The following KLHL10 variants were observed in gnomAD, a reference collection of about 807,000 sequenced individuals.
KLHL10 encodes kelch-like protein 10.
Under a neutral mutation model 46.6 loss-of-function variants are expected in KLHL10, and 11 were observed. The ratio of observed to expected loss-of-function variants is 0.24; its 90% CI spans 0.15 to 0.39. The LOEUF (loss-of-function observed/expected upper bound fraction) is 0.39. KLHL10 is among the 10% of genes least tolerant of loss of function. The pLI is 1.00. For synonymous variants in KLHL10, 254 were observed against 279.1 expected (o/e 0.91, Z 0.90); for missense variants, 475 against 789.8 (o/e 0.60, Z 4.78).
At chr17:41,844,593 G>A (rs1465068745) in intron 2 of KLHL10, among the ~76,000 whole-genome samples, 3 of 140,738 alleles carry the variant, frequency 2.1e-5, no homozygotes, top group Non-Finnish European at 4.5e-5. Context: ...CTGTGGCCCA[G>A]GCTGGAGTGC....
intron 2 of KLHL10, among the ~76,000 whole-genome samples, chr17:41,844,883 G>C (rs1555621124): frequency 6.6e-6 from 1 of 151,754 alleles, no homozygotes; most frequent in African/African-American, 2.4e-5. Context: ...ACAGGGTCTT[G>C]CTATGTTGCC....
Position 41,837,827 on chromosome 17 carries a change from A to G in KLHL10, c.-106A>G. ...ACTTGGGTTGCCTGATAGACCCTATACAAAAGATGTAGTAGGGAAAAGGAG... is the reference window on the plus strand; with the variant it reads ...ACTTGGGTTGCCTGATAGACCCTATGCAAAAGATGTAGTAGGGAAAAGGAG... On this transcript the variant is annotated 5_prime_UTR_variant, in exon 1 of 5. In the 5' UTR this introduces an upstream ATG that the reference lacks. Coordinates refer to ENST00000293303, the MANE Select transcript of KLHL10 (RefSeq NM_152467.5). The G allele has an allele frequency of 6.3e-7, 1 of 1,581,078 alleles. No individual in the cohort carries two copies. The highest frequency in any genetic ancestry group is 1.7e-5 in the Admixed American group (1 of 57,504).
Position 41,842,255 on chromosome 17 carries a change from G to A in KLHL10, c.627G>A (p.Lys209=), listed in dbSNP as rs374553069. The stretch of plus-strand genomic sequence containing the variant: ...ATGCTGTATTTGAGGCCATTTTAAA[G>A]TGGATTTCTCATGACCCCCAAAATA... ...QEDAVFEAIL[K]WISHDPQNRK... is the part of the protein sequence containing the mutation. Residue 209 remains lysine, a synonymous_variant, in exon 2 of 5, where the codon AAG becomes AAA. Coordinates refer to ENST00000293303, the MANE Select transcript of KLHL10 (RefSeq NM_152467.5). The A allele has an allele frequency of 1.2e-5, 19 of 1,614,026 alleles. No homozygotes were observed. In the African/African-American group the frequency reaches 2.5e-4, roughly 22 times the overall value.
At chr17:41,846,882 A>C (rs782649092) in intron 3 of KLHL10, among the ~76,000 whole-genome samples, 1 of 152,164 alleles carries the variant, frequency 6.6e-6, no homozygotes, top group Admixed American at 6.5e-5. Context: ...TGGGAGGCTG[A>C]GAGGGGCGGA....
intron 1 of KLHL10, among the ~76,000 whole-genome samples, chr17:41,838,633 CTTTT>C (rs561213551): frequency 2.2e-5 from 3 of 138,688 alleles, no homozygotes; most frequent in African/African-American, 5.4e-5. Flanking sequence ...TTTTTTCTCT[CTTTT>C]TTTTTTTTGT....
chr17:41,847,825 A>C (rs2048305692), intron 4 of KLHL10, 108 bp from the exon 5 acceptor site: 2 of 1,461,488 alleles, frequency 1.4e-6, no homozygotes, highest in East Asian at 2.3e-5. Flanking sequence ...TTTTCATGGA[A>C]GATAATGGAA....
intron 4 of KLHL10, among the ~76,000 whole-genome samples, 200 bp from the exon 5 acceptor site, chr17:41,847,733 C>T (rs2048304891): frequency 1.3e-5 from 2 of 152,348 alleles, no homozygotes; most frequent in Middle Eastern, 3.4e-3. Flanking sequence ...TCTCGATCTC[C>T]TGACTTTGTG....
chr17:41,845,840 G>A (rs781967569), intron 3 of KLHL10, 97 bp downstream of exon 3: 4 of 1,469,078 alleles, frequency 2.7e-6, no homozygotes, highest in South Asian at 1.2e-5. Flanking sequence ...CGCAGTGGCA[G>A]TATTCACTTT....
rs781939002 is a variant in KLHL10 at position 41,838,000 on chromosome 17, C to T, written c.68C>T (p.Ala23Val). The T allele has an allele frequency of 2.5e-5, 41 of 1,613,956 alleles. No homozygotes were observed. In the Admixed American group the frequency reaches 2.7e-4, roughly 11 times the overall value. Residue 23 changes from alanine to valine, a missense_variant, in exon 1 of 5, where the codon GCG becomes GTG. Coordinates refer to ENST00000293303, the MANE Select transcript of KLHL10 (RefSeq NM_152467.5). ...HQPHMERKMSAMACEIFNELR... is the reference protein window; with the variant it reads ...HQPHMERKMSVMACEIFNELR... The stretch of plus-strand genomic sequence containing the variant: ...CCTCACATGGAGAGGAAGATGAGTG[C>T]GATGGCCTGTGAGATCTTCAACGAG...
intron 2 of KLHL10, among the ~76,000 whole-genome samples, chr17:41,844,824 C>T (rs1385221130): frequency 6.6e-6 from 1 of 151,912 alleles, no homozygotes; most frequent in Non-Finnish European, 1.5e-5. Context: ...GCTGGGATTA[C>T]GGCCGTGAGC....
At chr17:41,847,886 C>T (rs1555621639) in intron 4 of KLHL10, 47 bp from the exon 5 acceptor site, 1 of 1,612,024 alleles carries the variant, frequency 6.2e-7, no homozygotes, top group Non-Finnish European at 8.5e-7. Context: ...CCTCAGTGAA[C>T]AGAATCAATG....
chr17:41,848,013 C>T lies in KLHL10; in HGVS notation c.1533C>T (p.Pro511=). The T allele has an allele frequency of 6.2e-7, 1 of 1,614,236 alleles. No individual in the cohort carries two copies. Among genetic ancestry groups the T allele is most frequent in the Non-Finnish European group, 8.5e-7 (1 of 1,180,038 alleles). Residue 511 remains proline (P), a synonymous_variant, in exon 5 of 5, where the codon CCC becomes CCT. Coordinates refer to ENST00000293303, the MANE Select transcript of KLHL10 (RefSeq NM_152467.5). ...TGGCTAACACTTGGCGCACAATCCCCACTATGTTTAATCCTCGTAGCAATT... is the reference window on the plus strand; with the variant it reads ...TGGCTAACACTTGGCGCACAATCCCTACTATGTTTAATCCTCGTAGCAATT... ...SPVANTWRTI[P]TMFNPRSNFG...
rs782646833 is a variant in KLHL10, at chr17:41,845,557, G to GCACT, written c.1118_1121dup (p.Arg375LeufsTer22). ...AAACTTGGCATCAGGTGGCCCCGAT[G>GCACT]CACTCCAGACGTTGCTATGTCAGTG... is the stretch of plus-strand genomic sequence containing the variant. On this transcript the variant is annotated frameshift_variant, in exon 3 of 5. Transcript: ENST00000293303. LOFTEE classifies it high-confidence loss of function. 6.2e-7 allele frequency: 1 copy of GCACT among 1,614,228 alleles called. No homozygotes were observed. The highest frequency in any genetic ancestry group is 8.5e-7 in the Non-Finnish European group (1 of 1,180,036).
chr17:41,837,958 C>T lies in KLHL10; in HGVS notation c.26C>T (p.Ser9Phe), dbSNP rs1555620346. 1 of 1,614,118 alleles carries T rather than the reference C, an allele frequency of 6.2e-7. No individual in the cohort carries two copies. Among genetic ancestry groups the T allele is most frequent in the Admixed American group, 1.7e-5 (1 of 60,018 alleles). ...ATGGAGATGGAGAGCGCGGCGGCCT[C>T]CACACGTTTCCACCAGCCTCACATG... The part of the protein sequence containing the change: MEMESAAA[S>F]TRFHQPHMER... The change falls in exon 1 of 5, where the codon TCC (serine) becomes TTC (phenylalanine). Residue 9 changes from serine to phenylalanine, a missense_variant. By Grantham distance (155) the Ser-to-Phe change is radical (BLOSUM62 -2). Coordinates refer to ENST00000293303, the MANE Select transcript of KLHL10 (RefSeq NM_152467.5).
Position 41,845,182 on chromosome 17 carries a change from C to T in KLHL10, c.741C>T (p.Asp247=). 3.1e-6 allele frequency: 5 copies of T among 1,614,176 alleles called. No individual in the cohort carries two copies. The highest frequency in any genetic ancestry group is 4.2e-6 in the Non-Finnish European group (5 of 1,180,026). The change falls in exon 3 of 5, where the codon GAC becomes GAT. Residue 247 remains aspartate, a synonymous_variant. Coordinates refer to ENST00000293303, the MANE Select transcript of KLHL10 (RefSeq NM_152467.5). ...EYFMNNVKMN[D]YVKDSEECKP... ...TCATGAACAATGTTAAGATGAATGA[C>T]TATGTCAAAGACAGTGAGGAATGCA...
upstream of KLHL10, chr17:41,836,260 C>T (rs1301671633): frequency 1.7e-6 from 2 of 1,155,360 alleles, no homozygotes; most frequent in Non-Finnish European, 2.1e-6. Flanking sequence ...GCGCAGGCGT[C>T]GCCTCCCGCC....
upstream of KLHL10, among the ~76,000 whole-genome samples, chr17:41,837,228 G>A (rs1273505791): frequency 6.6e-6 from 1 of 152,174 alleles, no homozygotes; most frequent in African/African-American, 2.4e-5. Flanking sequence ...GCAGTGGAGC[G>A]ATCTCGGCTC....
chr17:41,842,243 G>T lies in KLHL10; in HGVS notation c.615G>T (p.Glu205Asp). The change falls in exon 2 of 5, where the codon GAG becomes GAT. Residue 205 changes from glutamate to aspartate, a missense_variant. Physicochemically the swap from Glu to Asp is conservative, Grantham distance 45. Coordinates refer to ENST00000293303, the MANE Select transcript of KLHL10 (RefSeq NM_152467.5). ...TCAAACAGGAAGATGCTGTATTTGA[G>T]GCCATTTTAAAGTGGATTTCTCATG... is the stretch of plus-strand genomic sequence containing the variant. Reference protein sequence around the residue: ...LNVKQEDAVFEAILKWISHDP... With the variant: ...LNVKQEDAVFDAILKWISHDP... 6.2e-7 allele frequency: 1 copy of T among 1,614,062 alleles called. No homozygotes were observed. The highest frequency in any genetic ancestry group is 8.5e-7 in the Non-Finnish European group (1 of 1,180,012).
intron 2 of KLHL10, among the ~76,000 whole-genome samples, chr17:41,844,050 C>T (rs1433497164): frequency 6.6e-6 from 1 of 151,184 alleles, no homozygotes; most frequent in Non-Finnish European, 1.5e-5. Flanking sequence ...TGTGAGCTAG[C>T]GCCCGGCTGA....
Sources: allele counts gnomAD v4.1 joint callset (sites outside exome capture counted in the v4.1 genomes callset), GRCh38; gene constraint gnomAD v4.1.1; transcripts MANE v1.5; gene names NCBI Gene and HGNC (gene_info 2026-07-23, HGNC 2026-07-21).